The following LCLAT1 variants were observed in gnomAD, a reference collection of about 807,000 sequenced individuals.
LCLAT1 encodes the protein lysocardiolipin acyltransferase 1, also known as 1-AGP acyltransferase 8.
LCLAT1 carries 11 observed loss-of-function variants against 30.7 expected under a neutral mutation model. The observed-to-expected ratio is 0.36, with a 90% CI of 0.23 to 0.59. The LOEUF (loss-of-function observed/expected upper bound fraction) is 0.59, where lower values mean the gene tolerates loss of function less well. Ranked by LOEUF, LCLAT1 falls within the 20% of genes least tolerant of loss-of-function variation. LCLAT1 has a pLI of 0.77. For synonymous variants in LCLAT1, 155 were observed against 151.3 expected (o/e 1.02, Z -0.18); for missense variants, 402 against 458.6 (o/e 0.88, Z 1.13).
At chr2:30,539,117 G>A (rs554678105) in intron 3 of LCLAT1, among the ~76,000 whole-genome samples, 9 of 151,854 alleles carry the variant, frequency 5.9e-5, no homozygotes, top group African/African-American at 9.7e-5. Flanking sequence ...ACGCCACCAC[G>A]CCCAGCTAAT....
intron 5 of LCLAT1, among the ~76,000 whole-genome samples, chr2:30,637,904 A>G (rs374681456): frequency 6.6e-6 from 1 of 152,116 alleles, no homozygotes; most frequent in African/African-American, 2.4e-5. Context: ...GGAGCCAAGC[A>G]GGTCTGGCCT....
intron 1 of LCLAT1, among the ~76,000 whole-genome samples, chr2:30,486,917 C>G (rs1348161579): frequency 6.6e-6 from 1 of 152,276 alleles, no homozygotes; most frequent in East Asian, 1.9e-4. Context: ...CTGTGTTAAG[C>G]CATTATGTGT....
chr2:30,485,941 A>G (rs531739076), intron 1 of LCLAT1, among the ~76,000 whole-genome samples: 1 of 152,308 alleles, frequency 6.6e-6, no homozygotes, highest in South Asian at 2.1e-4. Context: ...GAAGAGTCAG[A>G]TGCCTTTCTA....
At chr2:30,506,073 A>T (rs1025146415) in intron 1 of LCLAT1, among the ~76,000 whole-genome samples, 1 of 152,142 alleles carries the variant, frequency 6.6e-6, no homozygotes, top group Non-Finnish European at 1.5e-5. Flanking sequence ...GTTTGGCCCC[A>T]TTCTGCTCTT....
intron 1 of LCLAT1, among the ~76,000 whole-genome samples, chr2:30,455,798 T>C (rs1314142767): frequency 6.6e-6 from 1 of 151,036 alleles, no homozygotes; most frequent in East Asian, 2.0e-4. Context: ...TAGTCCTAGC[T>C]ACTTGGGAGG....
chr2:30,587,495 A>T (rs530600184), intron 5 of LCLAT1, among the ~76,000 whole-genome samples: 1 of 152,218 alleles, frequency 6.6e-6, no homozygotes, highest in African/African-American at 2.4e-5. Flanking sequence ...TTAAAATCCT[A>T]AGATCTGAAG....
chr2:30,560,283 GGTGT>G (rs57326977), intron 3 of LCLAT1, among the ~76,000 whole-genome samples: 9,774 of 144,444 alleles, frequency 0.068, 319 homozygotes, highest in African/African-American at 0.091. Flanking sequence ...AATAAAGTGT[GGTGT>G]GTGTGTGTGT....
At chr2:30,600,014 T>C (rs1667106745) in intron 5 of LCLAT1, among the ~76,000 whole-genome samples, 1 of 152,232 alleles carries the variant, frequency 6.6e-6, no homozygotes, top group African/African-American at 2.4e-5. Context: ...GTGTCATTGG[T>C]CTGTGTACTT....
chr2:30,506,704 T>C (rs773944375), intron 1 of LCLAT1, among the ~76,000 whole-genome samples: 5 of 152,148 alleles, frequency 3.3e-5, no homozygotes, highest in Non-Finnish European at 5.9e-5. Context: ...CAGGACAGTT[T>C]ATGTTACTAA....
At chr2:30,521,721 G>T (rs1209650980) in intron 1 of LCLAT1, among the ~76,000 whole-genome samples, 2 of 151,500 alleles carry the variant, frequency 1.3e-5, no homozygotes, top group African/African-American at 4.9e-5. Flanking sequence ...TGGCCAGGAT[G>T]GTCTCGATCT....
intron 4 of LCLAT1, among the ~76,000 whole-genome samples, chr2:30,562,786 C>A (rs1665297345): frequency 6.6e-6 from 1 of 152,080 alleles, no homozygotes; most frequent in African/African-American, 2.4e-5. Context: ...TGTTTATATT[C>A]TCTTATCCTC....
intron 5 of LCLAT1, among the ~76,000 whole-genome samples, chr2:30,619,429 C>A (rs1668143274): frequency 6.6e-6 from 1 of 152,220 alleles, no homozygotes; most frequent in African/African-American, 2.4e-5. Context: ...TATAAGGTAT[C>A]TGCATTCCTT....
chr2:30,474,227 A>T (rs938101979), intron 1 of LCLAT1, among the ~76,000 whole-genome samples: 2 of 152,230 alleles, frequency 1.3e-5, no homozygotes, highest in African/African-American at 4.8e-5. Flanking sequence ...GAAGCTCAGG[A>T]GGACAACTGA....
intron 1 of LCLAT1, among the ~76,000 whole-genome samples, chr2:30,493,817 G>A (rs2148330964): frequency 6.6e-6 from 1 of 152,264 alleles, no homozygotes; most frequent in East Asian, 1.9e-4. Context: ...AAATAAGGTA[G>A]TGGTCATGAA....
chr2:30,569,871 G>C (rs1460887749), intron 5 of LCLAT1, among the ~76,000 whole-genome samples: 4 of 152,132 alleles, frequency 2.6e-5, no homozygotes, highest in African/African-American at 4.8e-5. Context: ...TATGTGATTA[G>C]TGAGTGCCCA....
At chr2:30,618,509 G>GT (rs1668095977) in intron 5 of LCLAT1, among the ~76,000 whole-genome samples, 1 of 152,044 alleles carries the variant, frequency 6.6e-6, no homozygotes, top group Admixed American at 6.6e-5. Context: ...TGTAAATGGT[G>GT]TTTTTAAAAT....
At chr2:30,609,882 C>T (rs1572694014) in intron 5 of LCLAT1, among the ~76,000 whole-genome samples, 1 of 152,190 alleles carries the variant, frequency 6.6e-6, no homozygotes, top group East Asian at 1.9e-4. Context: ...TTTAAATCTC[C>T]CATGGTAGCT....
At chr2:30,505,348 T>A (rs935411121) in intron 1 of LCLAT1, among the ~76,000 whole-genome samples, 10 of 120,312 alleles carry the variant, frequency 8.3e-5, no homozygotes, top group African/African-American at 2.3e-4. Context: ...TTTTTTTTTT[T>A]AACAATCTAC....
chr2:30,623,723 C>T (rs908903423), intron 5 of LCLAT1, among the ~76,000 whole-genome samples: 1 of 152,150 alleles, frequency 6.6e-6, no homozygotes, highest in Non-Finnish European at 1.5e-5. Context: ...CCTGGCCTTG[C>T]TAGAGATCCA....
Sources: allele counts gnomAD v4.1 joint callset (sites outside exome capture counted in the v4.1 genomes callset), GRCh38; gene constraint gnomAD v4.1.1; transcripts MANE v1.5; gene names NCBI Gene and HGNC (gene_info 2026-07-23, HGNC 2026-07-21).